ITGB4: variants seen among roughly 807,000 people sequenced by gnomAD.
ITGB4 encodes integrin beta-4.
A neutral mutation model predicts 207.6 loss-of-function variants in ITGB4; 159 were observed. That is an observed-to-expected ratio of 0.77 (90% confidence interval 0.67 to 0.87). The LOEUF (loss-of-function observed/expected upper bound fraction) is 0.87, where lower values mean the gene tolerates loss of function less well. Ranked by LOEUF, ITGB4 falls within the 40% of genes least tolerant of loss-of-function variation. The pLI, the probability that ITGB4 is intolerant of heterozygous loss-of-function variation, is 0.00. For missense variants in ITGB4, 2,278 were observed against 2,546.8 expected, an observed-to-expected ratio of 0.89 and a Z score of 2.27; for synonymous variants, 1,020 against 1,062.7, an observed-to-expected ratio of 0.96 and a Z score of 0.78.
In ITGB4 at chr17:75,752,988, C is replaced by T. The variant is rs868577764; in HGVS notation, c.4108+411C>T. On this transcript the variant is annotated intron_variant, in intron 32 of 39. Coordinates refer to ENST00000200181, the MANE Select transcript of ITGB4 (RefSeq NM_000213.5). ...CACCCCCAACAGCTCTGTCCTTCCTCCTTGATTCCCAGCACAAAGTGCTGC... is the reference window on the plus strand; with the variant it reads ...CACCCCCAACAGCTCTGTCCTTCCTTCTTGATTCCCAGCACAAAGTGCTGC... Among the ~76,000 whole-genome samples, 9 of 152,236 alleles carry T rather than the reference C, an allele frequency of 5.9e-5. No homozygotes were observed. In the South Asian group the frequency reaches 6.2e-4, roughly 11 times the overall value.
rs368764776 is a variant in ITGB4 at position 75,737,544 on chromosome 17, C to T, written c.2120C>T (p.Pro707Leu). ...TVLVHKKKDC[P>L]PGSFWWLIPL... ...CCTGCCTCCTCCTCTCCAGACTGCCCTCCGGGCTCCTTCTGGTGGCTCATC... is the reference window on the plus strand; with the variant it reads ...CCTGCCTCCTCCTCTCCAGACTGCCTTCCGGGCTCCTTCTGGTGGCTCATC... Residue 707 changes from proline (P) to leucine (L), a missense_variant, in exon 18 of 40, where the codon CCT becomes CTT. Transcript: ENST00000200181. 4 of 1,576,780 alleles carry T rather than the reference C, an allele frequency of 2.5e-6. No homozygotes were observed. Among genetic ancestry groups the T allele is most frequent in the Non-Finnish European group, 3.4e-6 (4 of 1,161,896 alleles).
Position 75,755,856 on chromosome 17 carries a change from G to A in ITGB4, c.4708+6G>A, listed in dbSNP as rs893261865. Reference sequence around the variant, plus strand: ...GTACCAGCTGCTGAACGGCGGTGAGGCATGGTGGCTGCCAGGCTGCGGGGT... The same window carrying A: ...GTACCAGCTGCTGAACGGCGGTGAGACATGGTGGCTGCCAGGCTGCGGGGT... On this transcript the variant is annotated splice_donor_region_variant and intron_variant, in intron 35 of 39. Transcript: ENST00000200181. The A allele has an allele frequency of 6.2e-7, 1 of 1,601,548 alleles. No homozygotes were observed. The highest frequency in any genetic ancestry group is 8.5e-7 in the Non-Finnish European group (1 of 1,179,502).
In ITGB4 at chr17:75,734,396, A is replaced by G. The variant is rs541390569; in HGVS notation, c.1657+704A>G. On this transcript the variant is annotated intron_variant, in intron 13 of 39. Coordinates refer to ENST00000200181, the MANE Select transcript of ITGB4 (RefSeq NM_000213.5). ...GGTGATCTGCCCGCCTCAGCCTCCC[A>G]AAGTACACATCTGTAATCACACCTG... Among the ~76,000 whole-genome samples, 8 of 152,098 alleles carry G rather than the reference A, an allele frequency of 5.3e-5. No individual in the cohort carries two copies. The East Asian group carries it at 1.5e-3, about 29-fold the overall frequency.
chr17:75,745,007 C>G (rs1373745011), intron 26 of ITGB4, among the ~76,000 whole-genome samples: 1 of 152,104 alleles, frequency 6.6e-6, no homozygotes, highest in Non-Finnish European at 1.5e-5. Context: ...TCAAGTGATC[C>G]GCCCACCTCG....
At chr17:75,757,146 G>C in intron 38 of ITGB4, 39 bp downstream of exon 38, 1 of 1,612,598 alleles carries the variant, frequency 6.2e-7, no homozygotes, top group Non-Finnish European at 8.5e-7. Context: ...ACCCCTCCTC[G>C]GGCCGTGCCT....
chr17:75,739,761 T>C lies in ITGB4; in HGVS notation c.2254+56T>C, dbSNP rs2061063581. The stretch of plus-strand genomic sequence containing the variant: ...GGCTCTGACTGCTCTTTCTCTGAGC[T>C]GGGGTGGAGGGAAGCTGAACCTGGA... On this transcript the variant is annotated intron_variant, in intron 19 of 39. Transcript: ENST00000200181. The surrounding 1 kb of genome is among the most constrained non-coding windows in gnomAD (Gnocchi z 5.4). The C allele has an allele frequency of 6.2e-7, 1 of 1,611,714 alleles. No individual in the cohort carries two copies. Among genetic ancestry groups the C allele is most frequent in the Non-Finnish European group, 8.5e-7 (1 of 1,177,968 alleles).
At chr17:75,756,297 A>G (rs577812417) in intron 35 of ITGB4, 132 bp from the exon 36 acceptor site, 147 of 933,848 alleles carry the variant, frequency 1.6e-4, no homozygotes, top group Non-Finnish European at 2.1e-4. Context: ...ACTGTACCCA[A>G]CCTGTACCCA....
rs777825472 is a variant in ITGB4 at position 75,756,822 on chromosome 17, C to T, written c.5016C>T (p.Val1672=). ...ERPRRPNGDI[V]GYLVTCEMAQ... ...CACGGAGGCCCAATGGGGATATCGT[C>T]GGCTACCTGGTGACCTGTGAGATGG... Residue 1672 remains valine (V), a synonymous_variant, in exon 37 of 40, where the codon GTC becomes GTT. Coordinates refer to ENST00000200181, the MANE Select transcript of ITGB4 (RefSeq NM_000213.5). The T allele has an allele frequency of 1.2e-5, 19 of 1,612,446 alleles. No homozygotes were observed. Among genetic ancestry groups the T allele is most frequent in the South Asian group, 2.2e-5 (2 of 91,052 alleles).
intron 26 of ITGB4, among the ~76,000 whole-genome samples, chr17:75,747,532 C>T (rs968336206): frequency 2.0e-5 from 3 of 152,136 alleles, no homozygotes; most frequent in Non-Finnish European, 4.4e-5. Flanking sequence ...TCCCCTTGTT[C>T]GGATGTCCCA....
At chr17:75,755,224 G>T in intron 34 of ITGB4, 1 of 1,597,956 alleles carries the variant, frequency 6.3e-7, no homozygotes, top group Non-Finnish European at 8.6e-7. Context: ...GTAGTACAGG[G>T]GTGGCCATCC....
chr17:75,751,461 G>A, intron 30 of ITGB4: 2 of 357,848 alleles, frequency 5.6e-6, no homozygotes, highest in South Asian at 5.5e-5. Context: ...CAGAAATACA[G>A]GAGGTTCTGA....
intron 2 of ITGB4, among the ~76,000 whole-genome samples, 197 bp from the exon 3 acceptor site, chr17:75,726,998 G>A (rs113666264): frequency 7.2e-5 from 11 of 151,806 alleles, no homozygotes; most frequent in Admixed American, 4.6e-4. Context: ...GCGTGAACAC[G>A]GGTGGTGGAG....
At position 75,750,748 on chromosome 17, in the gene ITGB4, G is replaced by A; in HGVS notation, c.3543G>A (p.Val1181=). 6.2e-7 allele frequency: 1 copy of A among 1,613,534 alleles called. No homozygotes were observed. Among genetic ancestry groups the A allele is most frequent in the Non-Finnish European group, 8.5e-7 (1 of 1,179,998 alleles). The change falls in exon 29 of 40, where the codon GTG becomes GTA. Residue 1181 remains valine, a synonymous_variant. Coordinates refer to ENST00000200181, the MANE Select transcript of ITGB4 (RefSeq NM_000213.5). This position sits in a 1 kb window ranked among gnomAD's most constrained non-coding sequence, Gnocchi z 5.5. ...TGCTCGACAGCAAGGTGCCCTCAGT[G>A]GAGCTCACCAACCTGTACCCGTATT... is the stretch of plus-strand genomic sequence containing the variant. ...AHLLDSKVPS[V]ELTNLYPYCD... is the part of the protein sequence containing the mutation.
chr17:75,750,603 G>T lies in ITGB4; in HGVS notation c.3475-77G>T. 1 of 1,308,872 alleles carries T rather than the reference G, an allele frequency of 7.6e-7. No individual in the cohort carries two copies. The highest frequency in any genetic ancestry group is 1.1e-6 in the Non-Finnish European group (1 of 918,772). 81.1% of individuals were successfully genotyped at this position (1,308,872 alleles called of 1,614,324 possible). On this transcript the variant is annotated intron_variant, in intron 28 of 39. Transcript: ENST00000200181. This position sits in a 1 kb window ranked among gnomAD's most constrained non-coding sequence, Gnocchi z 5.5. ...CATCTGTGCAAAGAGGACAGTAAGGGCAGAGGTCAGAGGAGGGACAGGCAG... is the reference window on the plus strand; with the variant it reads ...CATCTGTGCAAAGAGGACAGTAAGGTCAGAGGTCAGAGGAGGGACAGGCAG...
Position 75,742,850 on chromosome 17 carries a change from G to A in ITGB4, c.2962+89G>A, listed in dbSNP as rs1568367497. ...TTAAGTGGAATTGCGACCTGGCCAC[G>A]TGGCCTGGGCTAGTCACTTAACCTC... On this transcript the variant is annotated intron_variant, in intron 25 of 39. Transcript: ENST00000200181. This position sits in a 1 kb window ranked among gnomAD's most constrained non-coding sequence, Gnocchi z 5.9. The A allele has an allele frequency of 6.3e-6, 8 of 1,279,570 alleles. No individual in the cohort carries two copies. Among genetic ancestry groups the A allele is most frequent in the East Asian group, 2.5e-5 (1 of 40,120 alleles). The allele number at this position is 1,279,570 out of a possible 1,614,324, so 79.3% of individuals were successfully genotyped here.
rs760010607 is a variant in ITGB4, at chr17:75,750,727, C to T, written c.3522C>T (p.Leu1174=). Reference sequence around the variant, plus strand: ...ACTCCGAATCCGAAGCCCACCTGCTCGACAGCAAGGTGCCCTCAGTGGAGC... The same window carrying T: ...ACTCCGAATCCGAAGCCCACCTGCTTGACAGCAAGGTGCCCTCAGTGGAGC... ...QGDSESEAHL[L]DSKVPSVELT... The change falls in exon 29 of 40, where the codon CTC becomes CTT. Residue 1174 remains leucine (L), a synonymous_variant. Coordinates refer to ENST00000200181, the MANE Select transcript of ITGB4 (RefSeq NM_000213.5). This position sits in a 1 kb window ranked among gnomAD's most constrained non-coding sequence, Gnocchi z 5.5. 17 of 1,613,388 alleles carry T rather than the reference C, an allele frequency of 1.1e-5. No homozygotes were observed. Among genetic ancestry groups the T allele is most frequent in the South Asian group, 6.6e-5 (6 of 91,088 alleles).
At position 75,736,608 on chromosome 17, in the gene ITGB4, G is replaced by C. The variant is rs777208099; in HGVS notation, c.1904G>C (p.Cys635Ser). 1.9e-6 allele frequency: 3 copies of C among 1,603,376 alleles called. No individual in the cohort carries two copies. Among genetic ancestry groups the C allele is most frequent in the African/African-American group, 2.7e-5 (2 of 74,898 alleles). The change falls in exon 16 of 40, where the codon TGC (cysteine) becomes TCC (serine). Residue 635 changes from cysteine to serine, a missense_variant. Cys to Ser is a moderately radical substitution (Grantham distance 112). Coordinates refer to ENST00000200181, the MANE Select transcript of ITGB4 (RefSeq NM_000213.5). ...LCEDLRSCVQ[C>S]QAWGTGEKKG... Reference sequence around the variant, plus strand: ...GAGGACCTACGCTCCTGCGTGCAGTGCCAGGCGTGGGGCACCGGCGAGAAG... The same window carrying C: ...GAGGACCTACGCTCCTGCGTGCAGTCCCAGGCGTGGGGCACCGGCGAGAAG...
At chr17:75,748,674 A>C (rs1348899005) in intron 26 of ITGB4, among the ~76,000 whole-genome samples, 167 bp from the exon 27 acceptor site, 2 of 151,850 alleles carry the variant, frequency 1.3e-5, no homozygotes, top group African/African-American at 4.8e-5. Flanking sequence ...CGCCTCAAAA[A>C]AAAAAACAAA....
chr17:75,756,563 G>A lies in ITGB4; in HGVS notation c.4843G>A (p.Val1615Ile). The change falls in exon 36 of 40, where the codon GTC becomes ATC. Residue 1615 changes from valine (V) to isoleucine (I), a missense_variant. Val to Ile is a conservative substitution (Grantham distance 29). Transcript: ENST00000200181. ...QEGWGREREG[V>I]ITIESQVHPQ... ...AGGCTGGGGCCGAGAGCGTGAGGGTGTCATCACCATTGAATCCCAGGTGCA... is the reference window on the plus strand; with the variant it reads ...AGGCTGGGGCCGAGAGCGTGAGGGTATCATCACCATTGAATCCCAGGTGCA... 6.2e-7 allele frequency: 1 copy of A among 1,613,112 alleles called. No homozygotes were observed.
Sources: allele counts gnomAD v4.1 joint callset (sites outside exome capture counted in the v4.1 genomes callset), GRCh38; gene constraint gnomAD v4.1.1; non-coding constraint Gnocchi (gnomAD v3.1); transcripts MANE v1.5; gene names NCBI Gene and HGNC (gene_info 2026-07-23, HGNC 2026-07-21).